JAZF1: variants seen among roughly 807,000 people sequenced by gnomAD.
JAZF1 encodes JAZF zinc finger 1, also known as juxtaposed with another zinc finger protein 1.
In JAZF1, 8 loss-of-function variants were observed where a neutral mutation model predicts 26.4. That is an observed-to-expected ratio of 0.30 (90% confidence interval 0.18 to 0.55). The LOEUF (loss-of-function observed/expected upper bound fraction) is 0.55, where lower values mean the gene tolerates loss of function less well. Ranked by LOEUF, JAZF1 falls within the 20% of genes least tolerant of loss-of-function variation. The probability of loss-of-function intolerance (pLI) is 0.94; values close to 1 mark genes in which losing one functional copy is unlikely to be tolerated. For missense variants in JAZF1, 199 were observed against 322.0 expected, an observed-to-expected ratio of 0.62 and a Z score of 2.92; for synonymous variants, 126 against 122.3, an observed-to-expected ratio of 1.03 and a Z score of -0.20.
intron 1 of JAZF1, among the ~76,000 whole-genome samples, chr7:28,027,412 G>A (rs1399478171): frequency 6.6e-6 from 1 of 152,218 alleles, no homozygotes; most frequent in Admixed American, 6.5e-5. Context: ...GTGAAATAAT[G>A]TGGGACAGTA....
chr7:27,917,834 G>A (rs1003462773), intron 2 of JAZF1, among the ~76,000 whole-genome samples: 2 of 152,214 alleles, frequency 1.3e-5, no homozygotes, highest in African/African-American at 4.8e-5. Context: ...TTTACTCTAA[G>A]CATTGTATTC....
At chr7:28,106,277 C>T (rs552341227) in intron 1 of JAZF1, among the ~76,000 whole-genome samples, 7 of 152,148 alleles carry the variant, frequency 4.6e-5, no homozygotes, top group Non-Finnish European at 1.0e-4. Context: ...ATTGGTTTAA[C>T]TCCACATTGG....
At chr7:27,892,594 T>G (rs1193591391) in intron 3 of JAZF1, among the ~76,000 whole-genome samples, 1 of 152,204 alleles carries the variant, frequency 6.6e-6, no homozygotes, top group East Asian at 1.9e-4. Context: ...TCATATTATA[T>G]GTGAATAAGT....
chr7:27,905,982 T>C (rs537891322), intron 2 of JAZF1, among the ~76,000 whole-genome samples: 12 of 152,358 alleles, frequency 7.9e-5, no homozygotes, highest in Middle Eastern at 3.4e-3. Context: ...AACATACTGT[T>C]TACAATTATT....
At chr7:27,884,802 T>C (rs1475560265) in intron 3 of JAZF1, among the ~76,000 whole-genome samples, 2 of 152,250 alleles carry the variant, frequency 1.3e-5, no homozygotes, top group African/African-American at 2.4e-5. Context: ...AGGTGCTATA[T>C]ACATCCTTGT....
chr7:28,057,258 TA>T (rs996392082), intron 1 of JAZF1, among the ~76,000 whole-genome samples: 1 of 152,140 alleles, frequency 6.6e-6, no homozygotes, highest in African/African-American at 2.4e-5. Flanking sequence ...TAAAAGCACA[TA>T]AAAAATGCTT....
At chr7:28,007,003 G>A (rs1208788463) in intron 1 of JAZF1, among the ~76,000 whole-genome samples, 2 of 152,130 alleles carry the variant, frequency 1.3e-5, no homozygotes, top group African/African-American at 4.8e-5. Context: ...CATGGCCCCA[G>A]AAGCACATGG....
chr7:27,963,443 T>C (rs753013368), intron 2 of JAZF1, among the ~76,000 whole-genome samples: 1 of 152,206 alleles, frequency 6.6e-6, no homozygotes, highest in Non-Finnish European at 1.5e-5. Flanking sequence ...TCATATTAAG[T>C]TATAATGGTA....
intron 2 of JAZF1, among the ~76,000 whole-genome samples, chr7:27,952,467 A>C (rs977221221): frequency 1.3e-5 from 2 of 152,260 alleles, no homozygotes; most frequent in Admixed American, 1.3e-4. Flanking sequence ...GACACAACCT[A>C]TGAGTACAAA....
chr7:28,033,978 G>C (rs913456135), intron 1 of JAZF1, among the ~76,000 whole-genome samples: 7 of 152,054 alleles, frequency 4.6e-5, no homozygotes, highest in Non-Finnish European at 1.0e-4. Flanking sequence ...CCTGACTTCA[G>C]GTGATCCACC....
At chr7:28,061,887 G>T (rs866325512) in intron 1 of JAZF1, among the ~76,000 whole-genome samples, 1 of 152,118 alleles carries the variant, frequency 6.6e-6, no homozygotes, top group Non-Finnish European at 1.5e-5. Context: ...AACACATTTT[G>T]CCCAGCCATG....
In JAZF1 at chr7:27,869,283, C is replaced by T. The variant is rs535935843; in HGVS notation, c.385+25937G>A. Among the ~76,000 whole-genome samples the T allele has an allele frequency of 6.9e-5, 10 of 145,346 alleles. No individual in the cohort carries two copies. In the East Asian group the frequency reaches 1.7e-3, roughly 25 times the overall value. On this transcript the variant is annotated intron_variant, in intron 3 of 4. Transcript: ENST00000283928. ...CGGCAACAGAAATAAGGGAGGACCC[C>T]GCACCCTGCTGTGAATGGAAATGCG...
chr7:27,926,971 G>A (rs1031731692), intron 2 of JAZF1, among the ~76,000 whole-genome samples: 30 of 152,268 alleles, frequency 2.0e-4, no homozygotes, highest in African/African-American at 6.5e-4. Context: ...GATTCTCAGG[G>A]GACAGAACAT....
At chr7:27,834,229 GTGAA>G (rs1356514973) in intron 4 of JAZF1, among the ~76,000 whole-genome samples, 2 of 152,222 alleles carry the variant, frequency 1.3e-5, no homozygotes, top group Non-Finnish European at 2.9e-5. Flanking sequence ...GTCTTTGTGA[GTGAA>G]TGAAGTTACA....
chr7:27,879,783 C>T (rs1783739270), intron 3 of JAZF1, among the ~76,000 whole-genome samples: 1 of 152,014 alleles, frequency 6.6e-6, no homozygotes, highest in African/African-American at 2.4e-5. Context: ...ATTAATTTGG[C>T]ATCTAAGTAA....
rs936892355 is a variant in JAZF1 at position 28,105,872 on chromosome 7, C to T, written c.115+74591G>A. On this transcript the variant is annotated intron_variant, in intron 1 of 4. Transcript: ENST00000283928. The stretch of plus-strand genomic sequence containing the variant: ...CACACAGCATCTCATCCTCATCAAC[C>T]GTGGCTTCTTTCTTCATTAAAAGTA... 6.6e-5 allele frequency among the ~76,000 whole-genome samples: 10 copies of T among 152,320 alleles called. No homozygotes were observed. The East Asian group carries it at 9.6e-4, about 15-fold the overall frequency.
intron 2 of JAZF1, among the ~76,000 whole-genome samples, chr7:27,922,925 T>C (rs972251493): frequency 6.6e-6 from 1 of 152,214 alleles, no homozygotes; most frequent in Non-Finnish European, 1.5e-5. Context: ...GGAAGTGATA[T>C]GATGATGAAA....
At chr7:28,100,329 G>T (rs537926915) in intron 1 of JAZF1, among the ~76,000 whole-genome samples, 1 of 151,938 alleles carries the variant, frequency 6.6e-6, no homozygotes, top group Admixed American at 6.6e-5. Flanking sequence ...CTCTGAGCTC[G>T]CCTAAAACTT....
intron 3 of JAZF1, among the ~76,000 whole-genome samples, chr7:27,868,334 G>T (rs60551835): frequency 0.038 from 5,747 of 152,282 alleles, 356 homozygotes; most frequent in African/African-American, 0.13. Context: ...CATGGCCCAT[G>T]CCTGCTCCTG....
Sources: allele counts gnomAD v4.1 joint callset (sites outside exome capture counted in the v4.1 genomes callset), GRCh38; gene constraint gnomAD v4.1.1; transcripts MANE v1.5; gene names NCBI Gene and HGNC (gene_info 2026-07-23, HGNC 2026-07-21).